LIPH: variants seen among roughly 807,000 people sequenced by gnomAD.
LIPH encodes lipase H.
LIPH carries 32 observed loss-of-function variants against 47.6 expected under a neutral mutation model. The ratio of observed to expected loss-of-function variants is 0.67; its 90% CI spans 0.51 to 0.90. LIPH has a LOEUF of 0.90. Ranked by LOEUF, LIPH falls within the 40% of genes least tolerant of loss-of-function variation. The pLI is 0.00. For synonymous variants in LIPH, 190 were observed against 195.6 expected (o/e 0.97, Z 0.24); for missense variants, 497 against 541.4 (o/e 0.92, Z 0.81).
intron 3 of LIPH, among the ~76,000 whole-genome samples, chr3:185,531,535 C>T (rs934955371): frequency 9.2e-5 from 13 of 141,908 alleles, no homozygotes; most frequent in Admixed American, 3.7e-4. Context: ...CCAGCCTGGG[C>T]GACAGAGTAA....
rs1165203548 is a variant in LIPH at position 185,508,814 on chromosome 3, A to G, written c.1332T>C (p.Ile444=). Reference sequence around the variant, plus strand: ...GTTACAACTGCAACTCTGGGCAAAGAATAGGTTGGAAGACTGTTTCAACGT... The same window carrying G: ...GTTACAACTGCAACTCTGGGCAAAGGATAGGTTGGAAGACTGTTTCAACGT... ...MENVETVFQP[I]LCPELQL The change falls in exon 10 of 10, where the codon ATT becomes ATC. Residue 444 remains isoleucine (I), a synonymous_variant. Transcript: ENST00000296252. 1.2e-6 allele frequency: 2 copies of G among 1,613,724 alleles called. No homozygotes were observed. Among genetic ancestry groups the G allele is most frequent in the Non-Finnish European group, 1.7e-6 (2 of 1,179,730 alleles).
rs1161612960 is a variant in LIPH, at chr3:185,534,967, G to GACAA, written c.214_215insTTGT (p.Thr72IlefsTer20). 1 of 1,613,930 alleles carries GACAA rather than the reference G, an allele frequency of 6.2e-7. No homozygotes were observed. On this transcript the variant is annotated frameshift_variant, in exon 2 of 10. Transcript: ENST00000296252. ...TGGCCTGAATCCATGGACAATGAAG[G>GACAA]TGGTTTTCTTGGTCACATTCAAGTT...
In LIPH at chr3:185,552,241, CT is replaced by C. The variant is rs11381400; in HGVS notation, c.49+181del. Among the ~76,000 whole-genome samples, 1,052 of 125,846 alleles carry C rather than the reference CT, an allele frequency of 8.4e-3. 3 individuals carry two copies. The highest frequency in any genetic ancestry group is 0.017 in the African/African-American group (585 of 34,790). 82.6% of individuals were successfully genotyped at this position (125,846 alleles called of 152,430 possible). ...ATGAGAAAGTTCATCTAACCTGTAT[CT>C]TTTTTTTTTTTTTTTAAGGAAATGT... On this transcript the variant is annotated intron_variant, in intron 1 of 9. Transcript: ENST00000296252.
At chr3:185,548,730 GAAACAAAACAAAACAA>G (rs1720959900) in intron 1 of LIPH, among the ~76,000 whole-genome samples, 1 of 149,602 alleles carries the variant, frequency 6.7e-6, no homozygotes, top group Admixed American at 6.7e-5. Context: ...CTCCATCTCA[GAAACAAAACAAAACAA>G]AAACAAAACA....
chr3:185,544,338 TG>T (rs1199548991), intron 1 of LIPH, among the ~76,000 whole-genome samples: 10 of 151,790 alleles, frequency 6.6e-5, no homozygotes, highest in African/African-American at 9.7e-5. Context: ...TTTCCTCTGT[TG>T]TTTTTTTTTG....
At chr3:185,541,567 G>A (rs1720712342) in intron 1 of LIPH, among the ~76,000 whole-genome samples, 1 of 151,364 alleles carries the variant, frequency 6.6e-6, no homozygotes, top group African/African-American at 2.4e-5. Flanking sequence ...ACCACACCAG[G>A]CTATTTTTTT....
intron 2 of LIPH, among the ~76,000 whole-genome samples, chr3:185,533,957 C>T (rs1400700939): frequency 6.6e-6 from 1 of 152,206 alleles, no homozygotes; most frequent in Non-Finnish European, 1.5e-5. Context: ...GGCCCAGTGG[C>T]CCACGCTTGT....
At chr3:185,549,691 G>A (rs1048192694) in intron 1 of LIPH, among the ~76,000 whole-genome samples, 1 of 152,080 alleles carries the variant, frequency 6.6e-6, no homozygotes, top group Non-Finnish European at 1.5e-5. Context: ...ATACAGACAG[G>A]GCGGGAAAAT....
chr3:185,529,987 A>AGAGAGAGAGGGAGG (rs113097880), intron 3 of LIPH, among the ~76,000 whole-genome samples: 2 of 149,386 alleles, frequency 1.3e-5, no homozygotes, highest in African/African-American at 5.0e-5. Context: ...AGAGAGAGAG[A>AGAGAGAGAGGGAGG]GAGAAAATAA....
intron 3 of LIPH, among the ~76,000 whole-genome samples, chr3:185,532,440 G>T (rs917818207): frequency 6.6e-6 from 1 of 152,060 alleles, no homozygotes; most frequent in African/African-American, 2.4e-5. Flanking sequence ...TGCCTGGGGG[G>T]GCGTTGAGGC....
intron 4 of LIPH, 146 bp downstream of exon 4, chr3:185,527,338 A>C (rs1361539047): frequency 2.8e-6 from 2 of 724,018 alleles, no homozygotes; most frequent in African/African-American, 3.5e-5. Flanking sequence ...GCTTCCCTTC[A>C]ATATTTCGGT....
chr3:185,519,066 T>G, intron 6 of LIPH, 76 bp downstream of exon 6: 1 of 1,262,752 alleles, frequency 7.9e-7, no homozygotes, highest in Non-Finnish European at 1.2e-6. Context: ...AGTTTTTACA[T>G]GATAAAGTGG....
At chr3:185,514,630 T>C in intron 7 of LIPH, 109 bp from the exon 8 acceptor site, 1 of 723,650 alleles carries the variant, frequency 1.4e-6, no homozygotes, top group South Asian at 1.4e-5. Flanking sequence ...TCTTCTTCTC[T>C]TTCTCTCTGG....
At chr3:185,510,893 C>T (rs1165027513) in intron 9 of LIPH, among the ~76,000 whole-genome samples, 1 of 152,040 alleles carries the variant, frequency 6.6e-6, no homozygotes, top group Non-Finnish European at 1.5e-5. Context: ...CAACAAATTA[C>T]CAGCTTACAA....
Position 185,508,578 on chromosome 3 carries a change from C to G in LIPH, c.*212G>C, listed in dbSNP as rs1719454703. ...TGCGCTGCTGCGAGCCTGGCTATTT[C>G]TGACTTGCCCTAGTTAGGGGCTCCT... On this transcript the variant is annotated 3_prime_UTR_variant, in exon 10 of 10. Transcript: ENST00000296252. The G allele has an allele frequency of 1.7e-6, 1 of 574,866 alleles. No homozygotes were observed. The highest frequency in any genetic ancestry group is 1.9e-5 in the African/African-American group (1 of 53,384). 35.6% of individuals were successfully genotyped at this position (574,866 alleles called of 1,614,324 possible).
At chr3:185,539,680 G>A (rs1182188790) in intron 1 of LIPH, among the ~76,000 whole-genome samples, 1 of 151,956 alleles carries the variant, frequency 6.6e-6, no homozygotes, top group Non-Finnish European at 1.5e-5. Flanking sequence ...CGCATTTTAC[G>A]GATCTTATAT....
At position 185,534,984 on chromosome 3, in the gene LIPH, A is replaced by G. The variant is rs202071682; in HGVS notation, c.198T>C (p.Asn66=). The G allele has an allele frequency of 2.8e-4, 458 of 1,613,800 alleles. No homozygotes were observed. The highest frequency in any genetic ancestry group is 3.7e-4 in the Non-Finnish European group (434 of 1,179,904). Residue 66 remains asparagine (N), a synonymous_variant, in exon 2 of 10, where the codon AAT becomes AAC. Coordinates refer to ENST00000296252, the MANE Select transcript of LIPH (RefSeq NM_139248.3). ...CAATGAAGGTGGTTTTCTTGGTCACATTCAAGTTCCCAAAAGCTGAGGAGT... is the reference window on the plus strand; with the variant it reads ...CAATGAAGGTGGTTTTCTTGGTCACGTTCAAGTTCCCAAAAGCTGAGGAGT... ...TINSSAFGNL[N]VTKKTTFIVH...
Position 185,534,909 on chromosome 3 carries a change from T to C in LIPH, c.273A>G (p.Leu91=), listed in dbSNP as rs944843480. 6.2e-7 allele frequency: 1 copy of C among 1,613,952 alleles called. No homozygotes were observed. ...TGSPPVWMDD[L]VKGLLSVEDM... ...CTTCAACAGAGAGCAAACCCTTTAC[T>C]AAGTCATCCATCCAAACAGGAGGGG... The change falls in exon 2 of 10, where the codon TTA becomes TTG. Residue 91 remains leucine, a synonymous_variant. Coordinates refer to ENST00000296252, the MANE Select transcript of LIPH (RefSeq NM_139248.3).
chr3:185,533,247 A>G, intron 3 of LIPH, among the ~76,000 whole-genome samples: 1 of 152,200 alleles, frequency 6.6e-6, no homozygotes, highest in East Asian at 1.9e-4. Context: ...CTCCTGGATT[A>G]AATAAAAGGA....
Sources: gnomAD v4.1 joint callset for allele counts (sites outside exome capture counted in the v4.1 genomes callset) on GRCh38, gnomAD v4.1.1 for gene constraint, MANE v1.5 for transcripts, NCBI Gene and HGNC (gene_info 2026-07-23, HGNC 2026-07-21) for gene names.